GPATCH2: variants seen among roughly 807,000 people sequenced by gnomAD.
The protein encoded by GPATCH2 is G patch domain-containing protein 2.
In GPATCH2, 51 loss-of-function variants were observed where a neutral mutation model predicts 58.0. The observed-to-expected ratio is 0.88, with a 90% CI of 0.70 to 1.11. The LOEUF (loss-of-function observed/expected upper bound fraction) is 1.11. GPATCH2 is among the 50% of genes most tolerant of loss of function. The probability of loss-of-function intolerance (pLI) is 0.00; values close to 1 mark genes in which losing one functional copy is unlikely to be tolerated. For synonymous variants in GPATCH2, 222 were observed against 218.5 expected (o/e 1.02, Z -0.14); for missense variants, 625 against 652.2 (o/e 0.96, Z 0.45).
chr1:217,535,614 A>G (rs766111675), intron 5 of GPATCH2, among the ~76,000 whole-genome samples: 9 of 152,142 alleles, frequency 5.9e-5, no homozygotes, highest in Admixed American at 2.6e-4. Context: ...GCCTCCCAAA[A>G]TGCTGGGATT....
chr1:217,624,242 G>A (rs948085731), intron 1 of GPATCH2, among the ~76,000 whole-genome samples: 3 of 152,164 alleles, frequency 2.0e-5, no homozygotes, highest in Non-Finnish European at 2.9e-5. Context: ...CATCGGCAGG[G>A]CACAGTGTCT....
At chr1:217,587,818 T>C (rs936190773) in intron 5 of GPATCH2, among the ~76,000 whole-genome samples, 3 of 152,138 alleles carry the variant, frequency 2.0e-5, no homozygotes, top group Admixed American at 6.5e-5. Flanking sequence ...CTAAAATACA[T>C]AATTTAGTTA....
At chr1:217,610,462 G>GAC in intron 4 of GPATCH2, 62 bp from the exon 5 acceptor site, 1 of 947,482 alleles carries the variant, frequency 1.1e-6, no homozygotes, top group Admixed American at 2.1e-5. Flanking sequence ...AGAAGAAGAA[G>GAC]AGGATCCTAT....
intron 6 of GPATCH2, among the ~76,000 whole-genome samples, chr1:217,513,684 T>C (rs1206574424): frequency 6.6e-6 from 1 of 152,198 alleles, no homozygotes; most frequent in Non-Finnish European, 1.5e-5. Flanking sequence ...TACAACTACT[T>C]AGTTTTAAAA....
At chr1:217,451,369 A>G (rs1448955761) in intron 8 of GPATCH2, among the ~76,000 whole-genome samples, 1 of 152,176 alleles carries the variant, frequency 6.6e-6, no homozygotes, top group Non-Finnish European at 1.5e-5. Flanking sequence ...CTTCTTAACT[A>G]CAGAAACACA....
intron 6 of GPATCH2, among the ~76,000 whole-genome samples, chr1:217,508,261 T>C (rs760948423): frequency 1.4e-4 from 21 of 152,090 alleles, no homozygotes; most frequent in Non-Finnish European, 2.4e-4. Context: ...AATTTCAAAG[T>C]GTAAAAGTAT....
intron 5 of GPATCH2, among the ~76,000 whole-genome samples, chr1:217,599,659 C>T: frequency 6.6e-6 from 1 of 152,226 alleles, no homozygotes; most frequent in South Asian, 2.1e-4. Flanking sequence ...GCCCCTTGAA[C>T]AATGAAGACA....
intron 5 of GPATCH2, among the ~76,000 whole-genome samples, chr1:217,584,330 T>TAAAAAAAAA (rs1168175978): frequency 1.5e-3 from 133 of 89,236 alleles, no homozygotes; most frequent in African/African-American, 4.5e-3. Context: ...TCACCTCTAC[T>TAAAAAAAAA]AAAAAAAAAA....
chr1:217,604,886 G>A (rs1240149640), intron 5 of GPATCH2, among the ~76,000 whole-genome samples: 3 of 152,176 alleles, frequency 2.0e-5, no homozygotes, highest in Non-Finnish European at 2.9e-5. Flanking sequence ...ATTAGCTGGC[G>A]TGGTGGCAGG....
intron 5 of GPATCH2, among the ~76,000 whole-genome samples, chr1:217,540,950 C>G (rs1196033335): frequency 6.6e-6 from 1 of 152,152 alleles, no homozygotes; most frequent in African/African-American, 2.4e-5. Context: ...TTTCTGGAGA[C>G]TCAATGAGAG....
chr1:217,503,172 T>G (rs186865196), intron 6 of GPATCH2, among the ~76,000 whole-genome samples: 12 of 152,116 alleles, frequency 7.9e-5, no homozygotes, highest in African/African-American at 2.9e-4. Flanking sequence ...AAGAAACGTT[T>G]TAAGAAGGGA....
chr1:217,623,864 T>C (rs1243743418), intron 1 of GPATCH2, among the ~76,000 whole-genome samples: 1 of 151,922 alleles, frequency 6.6e-6, no homozygotes, highest in Non-Finnish European at 1.5e-5. Flanking sequence ...ATCGCAACAT[T>C]GCACTCCAGC....
At chr1:217,587,313 C>G (rs964807766) in intron 5 of GPATCH2, among the ~76,000 whole-genome samples, 3 of 152,134 alleles carry the variant, frequency 2.0e-5, no homozygotes, top group Non-Finnish European at 2.9e-5. Flanking sequence ...CAGAAACTTA[C>G]TTAAATGGCT....
At chr1:217,598,947 T>G (rs1387221360) in intron 5 of GPATCH2, among the ~76,000 whole-genome samples, 1 of 152,174 alleles carries the variant, frequency 6.6e-6, no homozygotes, top group Non-Finnish European at 1.5e-5. Context: ...ATAATGCCAT[T>G]TCAGATAACA....
At chr1:217,541,064 A>G (rs1317166658) in intron 5 of GPATCH2, among the ~76,000 whole-genome samples, 1 of 152,216 alleles carries the variant, frequency 6.6e-6, no homozygotes, top group African/African-American at 2.4e-5. Context: ...AATTTTAGAA[A>G]CTTCTGGGAC....
At chr1:217,612,144 G>GC (rs973532091) in intron 3 of GPATCH2, among the ~76,000 whole-genome samples, 5 of 151,646 alleles carry the variant, frequency 3.3e-5, no homozygotes, top group African/African-American at 1.2e-4. Context: ...TGCACCACCA[G>GC]CCCTCCAGCC....
At chr1:217,614,474 C>T (rs6666508) in intron 2 of GPATCH2, among the ~76,000 whole-genome samples, 51,362 of 151,756 alleles carry the variant, frequency 0.34, 9,046 homozygotes, top group Non-Finnish European at 0.39. Flanking sequence ...ACAATTGATG[C>T]ATTTTATCAT....
At chr1:217,536,754 A>G (rs1664491961) in intron 5 of GPATCH2, among the ~76,000 whole-genome samples, 1 of 152,208 alleles carries the variant, frequency 6.6e-6, no homozygotes, top group African/African-American at 2.4e-5. Flanking sequence ...AGGCAGACGG[A>G]TCATGAGGTC....
intron 5 of GPATCH2, among the ~76,000 whole-genome samples, chr1:217,591,881 A>G (rs1300195738): frequency 2.0e-5 from 3 of 152,072 alleles, no homozygotes; most frequent in Non-Finnish European, 4.4e-5. Context: ...GGAAGTACAC[A>G]TAAGTCAGAT....
Sources: allele counts gnomAD v4.1 joint callset (sites outside exome capture counted in the v4.1 genomes callset), GRCh38; gene constraint gnomAD v4.1.1; transcripts MANE v1.5; gene names NCBI Gene and HGNC (gene_info 2026-07-23, HGNC 2026-07-21).